The following DACH2 variants were observed in gnomAD, a reference collection of about 807,000 sequenced individuals.
DACH2 encodes dachshund family transcription factor 2.
A neutral mutation model predicts 35.8 loss-of-function variants in DACH2; 17 were observed. That is an observed-to-expected ratio of 0.48 (90% confidence interval 0.33 to 0.71). The LOEUF (loss-of-function observed/expected upper bound fraction) is 0.71, where lower values mean the gene tolerates loss of function less well. Ranked by LOEUF, DACH2 falls within the 30% of genes least tolerant of loss-of-function variation. The probability of loss-of-function intolerance (pLI) is 0.02; values close to 1 mark genes in which losing one functional copy is unlikely to be tolerated. For synonymous variants in DACH2, 195 were observed against 177.3 expected, an observed-to-expected ratio of 1.10 and a Z score of -0.79; for missense variants, 469 against 472.7, an observed-to-expected ratio of 0.99 and a Z score of 0.07.
chrX:86,417,064 A>G, intron 2 of DACH2, among the ~76,000 whole-genome samples: 1 of 81,704 alleles, frequency 1.2e-5, no homozygotes, highest in East Asian at 4.8e-4. Context: ...ACTGCACTCC[A>G]GCCTGTTCAA....
At chrX:86,259,330 C>G (rs2033582187) in intron 1 of DACH2, among the ~76,000 whole-genome samples, 1 of 111,720 alleles carries the variant, frequency 9.0e-6, no homozygotes, top group Non-Finnish European at 1.9e-5. Flanking sequence ...AACATGGTGA[C>G]AGACAGTGCT....
At chrX:86,819,230 C>T (rs185832139) in intron 11 of DACH2, among the ~76,000 whole-genome samples, 88 of 109,703 alleles carry the variant, frequency 8.0e-4, no homozygotes, top group Non-Finnish European at 7.8e-4. Flanking sequence ...TTCTGGTGAT[C>T]ACGCAATGTG....
At chrX:86,338,120 T>C (rs1276859785) in intron 1 of DACH2, among the ~76,000 whole-genome samples, 2 of 111,170 alleles carry the variant, frequency 1.8e-5, no homozygotes, top group African/African-American at 6.6e-5. Context: ...AACAGACAGA[T>C]ACTTTAACAT....
At chrX:86,410,428 A>G (rs945569940) in intron 2 of DACH2, among the ~76,000 whole-genome samples, 2 of 111,773 alleles carry the variant, frequency 1.8e-5, no homozygotes, top group Non-Finnish European at 3.8e-5. Flanking sequence ...TTGTTGCCTA[A>G]TATATTAATA....
chrX:86,657,274 G>T (rs1392347184), intron 4 of DACH2, among the ~76,000 whole-genome samples: 1 of 110,740 alleles, frequency 9.0e-6, no homozygotes, highest in Non-Finnish European at 1.9e-5. Context: ...AACACAAAGC[G>T]TGAATGCTTG....
chrX:86,712,986 C>T (rs1362923194), intron 5 of DACH2, among the ~76,000 whole-genome samples: 1 of 111,366 alleles, frequency 9.0e-6, no homozygotes, highest in Non-Finnish European at 1.9e-5. Flanking sequence ...TTATCAGAAA[C>T]ACTGGTGGAT....
chrX:86,412,987 G>A (rs2036639817), intron 2 of DACH2, among the ~76,000 whole-genome samples: 1 of 111,658 alleles, frequency 9.0e-6, no homozygotes, highest in African/African-American at 3.3e-5. Flanking sequence ...TAGGCATTGT[G>A]CCTTTTCTTG....
chrX:86,706,810 A>G (rs1275711725), intron 5 of DACH2, among the ~76,000 whole-genome samples: 1 of 111,084 alleles, frequency 9.0e-6, no homozygotes, highest in Non-Finnish European at 1.9e-5. Flanking sequence ...CAATAAAAAT[A>G]TAATTTATCA....
chrX:86,346,080 G>A (rs776904945), intron 1 of DACH2, among the ~76,000 whole-genome samples: 2 of 111,452 alleles, frequency 1.8e-5, no homozygotes, highest in Admixed American at 1.9e-4. Flanking sequence ...CCTGGAAAAT[G>A]AAGTACTGGC....
chrX:86,774,833 C>A (rs2042016424), intron 7 of DACH2, among the ~76,000 whole-genome samples: 1 of 111,775 alleles, frequency 8.9e-6, no homozygotes, highest in Non-Finnish European at 1.9e-5. Context: ...TACACTTGTG[C>A]GTCAGTGATG....
rs904388392 is a variant in DACH2, at chrX:86,547,511, T to C, written c.640+33120T>C. Among the ~76,000 whole-genome samples the C allele has an allele frequency of 6.5e-5, 6 of 92,566 alleles. No homozygotes were observed. The East Asian group carries it at 1.4e-3, about 21-fold the overall frequency. The allele number at this position is 92,566 out of a possible 115,157, so 80.4% of individuals were successfully genotyped here. On this transcript the variant is annotated intron_variant, in intron 3 of 11. Coordinates refer to ENST00000373125, the MANE Select transcript of DACH2 (RefSeq NM_053281.3). ...TTCACATTTTAGAGAAAATGAAACCTAACGTGCTGCAGAACACACACACAC... is the reference window on the plus strand; with the variant it reads ...TTCACATTTTAGAGAAAATGAAACCCAACGTGCTGCAGAACACACACACAC...
intron 3 of DACH2, among the ~76,000 whole-genome samples, chrX:86,593,434 T>C (rs960458857): frequency 1.9e-4 from 20 of 106,781 alleles, no homozygotes; most frequent in Non-Finnish European, 3.6e-4. Flanking sequence ...TTTTATTTTA[T>C]TTTATTTTTT....
At chrX:86,607,815 A>G (rs1393398744) in intron 3 of DACH2, among the ~76,000 whole-genome samples, 25 of 98,872 alleles carry the variant, frequency 2.5e-4, no homozygotes, top group Admixed American at 1.4e-3. Context: ...TCATTGTTCA[A>G]TTCTCACCTA....
At chrX:86,791,803 C>T (rs2042189210) in intron 7 of DACH2, among the ~76,000 whole-genome samples, 1 of 111,661 alleles carries the variant, frequency 9.0e-6, no homozygotes, top group Non-Finnish European at 1.9e-5. Context: ...TTAAGTCTAA[C>T]TAGAGATTTA....
rs773783988 is a variant in DACH2 at position 86,148,677 on chromosome X, G to C, written c.57G>C (p.Pro19=). ...ISATSSGAGV[P]GGLFRAEPLY... Reference sequence around the variant, plus strand: ...CAACTTCCAGCGGCGCCGGCGTCCCGGGGGGCTTATTCCGGGCCGAACCCC... The same window carrying C: ...CAACTTCCAGCGGCGCCGGCGTCCCCGGGGGCTTATTCCGGGCCGAACCCC... The change falls in exon 1 of 12, where the codon CCG becomes CCC. Residue 19 remains proline, a synonymous_variant. Coordinates refer to ENST00000373125, the MANE Select transcript of DACH2 (RefSeq NM_053281.3). The C allele has an allele frequency of 9.2e-6, 11 of 1,200,658 alleles. No homozygotes were observed. In the East Asian group the frequency reaches 3.0e-4, roughly 33 times the overall value.
At chrX:86,189,896 G>A (rs1014308065) in intron 1 of DACH2, among the ~76,000 whole-genome samples, 1 of 110,526 alleles carries the variant, frequency 9.0e-6, no homozygotes, top group Non-Finnish European at 1.9e-5. Context: ...GGGCACGGTG[G>A]CTCAAGTCTG....
intron 1 of DACH2, among the ~76,000 whole-genome samples, chrX:86,297,798 G>A (rs1167733256): frequency 1.8e-5 from 2 of 112,110 alleles, no homozygotes; most frequent in African/African-American, 3.2e-5. Context: ...TATAGTCAAT[G>A]GGATATTAAT....
intron 3 of DACH2, among the ~76,000 whole-genome samples, chrX:86,622,866 A>C (rs370385251): frequency 8.9e-6 from 1 of 111,790 alleles, no homozygotes; most frequent in East Asian, 2.8e-4. Flanking sequence ...CACAAGAGAC[A>C]TGACAACACA....
chrX:86,645,847 T>C (rs936314649), intron 3 of DACH2, among the ~76,000 whole-genome samples: 4 of 110,603 alleles, frequency 3.6e-5, no homozygotes, highest in Non-Finnish European at 7.6e-5. Flanking sequence ...GAGAGCTAAA[T>C]GATAGGAACT....
Sources: gnomAD v4.1 joint callset for allele counts (sites outside exome capture counted in the v4.1 genomes callset) on GRCh38, gnomAD v4.1.1 for gene constraint, MANE v1.5 for transcripts, NCBI Gene and HGNC (gene_info 2026-07-23, HGNC 2026-07-21) for gene names.